The following SEMA5A variants were observed in gnomAD, a reference collection of about 807,000 sequenced individuals.
The protein encoded by SEMA5A is semaphorin-5A.
Under a neutral mutation model 135.5 loss-of-function variants are expected in SEMA5A, and 55 were observed. The ratio of observed to expected loss-of-function variants is 0.41; its 90% CI spans 0.33 to 0.51. The LOEUF (loss-of-function observed/expected upper bound fraction) is 0.51, where lower values mean the gene tolerates loss of function less well. Ranked by LOEUF, SEMA5A falls within the 20% of genes least tolerant of loss-of-function variation. SEMA5A has a pLI of 0.37. For synonymous variants in SEMA5A, 580 were observed against 546.5 expected (o/e 1.06, Z -0.85); for missense variants, 1,290 against 1,419.9 (o/e 0.91, Z 1.47).
chr5:9,249,904 C>T (rs1748684355), intron 5 of SEMA5A, among the ~76,000 whole-genome samples: 1 of 152,114 alleles, frequency 6.6e-6, no homozygotes, highest in African/African-American at 2.4e-5. Flanking sequence ...GAACTGGACC[C>T]CAGGGTGGGG....
intron 3 of SEMA5A, among the ~76,000 whole-genome samples, chr5:9,341,337 C>T (rs530070826): frequency 1.4e-3 from 217 of 152,036 alleles, no homozygotes; most frequent in Middle Eastern, 3.4e-3. Context: ...TAACAGATTT[C>T]AGTAGTAGCA....
At chr5:9,072,842 C>T (rs113929310) in intron 16 of SEMA5A, among the ~76,000 whole-genome samples, 2,660 of 152,108 alleles carry the variant, frequency 0.017, 85 homozygotes, top group African/African-American at 0.061. Flanking sequence ...CTAAAATTAC[C>T]GGATATGGAA....
chr5:9,136,093 CT>C (rs759227664), intron 13 of SEMA5A, among the ~76,000 whole-genome samples: 3 of 152,134 alleles, frequency 2.0e-5, no homozygotes, highest in Non-Finnish European at 4.4e-5. Flanking sequence ...TTAGTTTATT[CT>C]TTTCTCATCT....
chr5:9,217,390 T>C (rs1172592557), intron 8 of SEMA5A, among the ~76,000 whole-genome samples: 1 of 152,200 alleles, frequency 6.6e-6, no homozygotes, highest in Non-Finnish European at 1.5e-5. Context: ...CATTTGTAGG[T>C]GACCTGTCTT....
intron 1 of SEMA5A, among the ~76,000 whole-genome samples, chr5:9,521,150 C>G (rs1736803735): frequency 6.6e-6 from 1 of 152,220 alleles, no homozygotes; most frequent in Non-Finnish European, 1.5e-5. Context: ...TGGCTCACAC[C>G]TGTAATCCCA....
rs573955136 is a variant in SEMA5A at position 9,159,935 on chromosome 5, A to G, written c.1274-5240T>C. Among the ~76,000 whole-genome samples, 10 of 152,324 alleles carry G rather than the reference A, an allele frequency of 6.6e-5. No individual in the cohort carries two copies. In the South Asian group the frequency reaches 1.9e-3, roughly 28 times the overall value. ...GATGAAGCTGGAAGACATCATCCTC[A>G]GCAAGCTAACACAGGAACAGAAAAC... On this transcript the variant is annotated intron_variant, in intron 11 of 22. Coordinates refer to ENST00000382496, the MANE Select transcript of SEMA5A (RefSeq NM_003966.3).
At chr5:9,305,257 T>C (rs1415522990) in intron 5 of SEMA5A, among the ~76,000 whole-genome samples, 1 of 152,224 alleles carries the variant, frequency 6.6e-6, no homozygotes, top group Non-Finnish European at 1.5e-5. Context: ...TAATTTTCCA[T>C]GGATATTTTT....
chr5:9,319,167 G>A (rs1752519246), intron 4 of SEMA5A, among the ~76,000 whole-genome samples: 1 of 152,108 alleles, frequency 6.6e-6, no homozygotes, highest in South Asian at 2.1e-4. Flanking sequence ...TCACACCACT[G>A]CAGTTCAGCC....
chr5:9,070,066 T>C (rs1737691566), intron 16 of SEMA5A, among the ~76,000 whole-genome samples: 1 of 152,070 alleles, frequency 6.6e-6, no homozygotes, highest in South Asian at 2.1e-4. Flanking sequence ...CTTGCTGAAA[T>C]GGGCTCAAAA....
At chr5:9,162,163 T>G (rs1375215720) in intron 11 of SEMA5A, among the ~76,000 whole-genome samples, 1 of 152,202 alleles carries the variant, frequency 6.6e-6, no homozygotes, top group Non-Finnish European at 1.5e-5. Flanking sequence ...AGTTCCTACT[T>G]TTCTTTGGAG....
chr5:9,357,974 A>C (rs145696821), intron 3 of SEMA5A, among the ~76,000 whole-genome samples: 1 of 152,220 alleles, frequency 6.6e-6, no homozygotes, highest in African/African-American at 2.4e-5. Context: ...AAATTCAACT[A>C]AGAAACAGGG....
chr5:9,525,827 T>C (rs1737094400), intron 1 of SEMA5A, among the ~76,000 whole-genome samples: 2 of 152,246 alleles, frequency 1.3e-5, no homozygotes, highest in South Asian at 4.1e-4. Flanking sequence ...TAGAAGGATA[T>C]GTAAACAGCA....
chr5:9,445,594 G>A (rs374553570), intron 1 of SEMA5A, among the ~76,000 whole-genome samples: 11 of 152,128 alleles, frequency 7.2e-5, no homozygotes, highest in East Asian at 5.8e-4. Context: ...GCGTCAACCC[G>A]GGAGACGGAG....
At chr5:9,299,867 T>C (rs1751524721) in intron 5 of SEMA5A, among the ~76,000 whole-genome samples, 1 of 152,120 alleles carries the variant, frequency 6.6e-6, no homozygotes, top group Admixed American at 6.5e-5. Flanking sequence ...GATATCCAAA[T>C]GTAGCTGAGA....
At chr5:9,446,174 G>C (rs1758425745) in intron 1 of SEMA5A, among the ~76,000 whole-genome samples, 1 of 152,136 alleles carries the variant, frequency 6.6e-6, no homozygotes. Context: ...TTATCCTTTG[G>C]TGAATATTTA....
At chr5:9,178,386 G>A (rs371065865) in intron 11 of SEMA5A, among the ~76,000 whole-genome samples, 61 of 143,622 alleles carry the variant, frequency 4.2e-4, no homozygotes, top group African/African-American at 1.5e-3. Flanking sequence ...AGGCTGGAGT[G>A]CAATGGTGCA....
chr5:9,066,721 G>A, intron 16 of SEMA5A, 75 bp from the exon 17 acceptor site: 1 of 1,330,818 alleles, frequency 7.5e-7, no homozygotes, highest in Non-Finnish European at 1.1e-6. Context: ...CTTTCCTTTA[G>A]GGAAAGATAA....
At chr5:9,263,583 T>C (rs184216802) in intron 5 of SEMA5A, among the ~76,000 whole-genome samples, 15 of 152,338 alleles carry the variant, frequency 9.8e-5, no homozygotes, top group Non-Finnish European at 1.9e-4. Flanking sequence ...TCAAGAAGAC[T>C]GGGGACCACT....
intron 8 of SEMA5A, among the ~76,000 whole-genome samples, chr5:9,203,004 C>T (rs1435355884): frequency 6.6e-6 from 1 of 152,144 alleles, no homozygotes; most frequent in Admixed American, 6.5e-5. Context: ...TATGGCAAAG[C>T]CTTTACTTAA....
Sources: gnomAD v4.1 joint callset for allele counts (sites outside exome capture counted in the v4.1 genomes callset) on GRCh38, gnomAD v4.1.1 for gene constraint, MANE v1.5 for transcripts, NCBI Gene and HGNC (gene_info 2026-07-23, HGNC 2026-07-21) for gene names.